The following DLG2 variants were observed in gnomAD, a reference collection of about 807,000 sequenced individuals.
The protein encoded by DLG2 is discs large MAGUK scaffold protein 2.
DLG2 carries 45 observed loss-of-function variants against 132.5 expected under a neutral mutation model. That is an observed-to-expected ratio of 0.34 (90% CI 0.27 to 0.44). The LOEUF is 0.44. Ranked by LOEUF, DLG2 falls within the 20% of genes least tolerant of loss-of-function variation. The pLI is 1.00. For missense variants in DLG2, 1,045 were observed against 1,196.9 expected (o/e 0.87, Z 1.87); for synonymous variants, 424 against 419.6 (o/e 1.01, Z -0.13).
chr11:84,076,748 C>T (rs879456181), intron 10 of DLG2, among the ~76,000 whole-genome samples: 2 of 152,194 alleles, frequency 1.3e-5, no homozygotes, highest in Middle Eastern at 3.2e-3. Flanking sequence ...AAATGTAACA[C>T]CACACTTCGC....
chr11:84,067,917 CT>C (rs1235093531), intron 10 of DLG2, among the ~76,000 whole-genome samples: 3 of 151,910 alleles, frequency 2.0e-5, no homozygotes, highest in Non-Finnish European at 2.9e-5. Flanking sequence ...ATCTATGAGG[CT>C]TTTTTTTCCA....
chr11:84,674,963 T>C (rs978386462), intron 6 of DLG2, among the ~76,000 whole-genome samples: 1 of 152,154 alleles, frequency 6.6e-6, no homozygotes. Context: ...CGACTTTGTA[T>C]TGTGGGAAAA....
chr11:84,012,660 A>T (rs1183359309), intron 11 of DLG2, among the ~76,000 whole-genome samples: 1 of 152,152 alleles, frequency 6.6e-6, no homozygotes, highest in Non-Finnish European at 1.5e-5. Flanking sequence ...AGAAAAGTAC[A>T]TTTAAGATTA....
chr11:84,118,190 A>G (rs1167217287), intron 9 of DLG2, among the ~76,000 whole-genome samples: 1 of 152,140 alleles, frequency 6.6e-6, no homozygotes, highest in Non-Finnish European at 1.5e-5. Context: ...TAATTAGTAT[A>G]TTTAAATCCA....
chr11:84,961,745 A>C (rs1765350882), intron 6 of DLG2, among the ~76,000 whole-genome samples: 2 of 152,202 alleles, frequency 1.3e-5, no homozygotes, highest in Admixed American at 1.3e-4. Flanking sequence ...CCACCCAAGC[A>C]ACTTTCACTT....
At chr11:84,797,899 T>C (rs889724081) in intron 6 of DLG2, among the ~76,000 whole-genome samples, 4 of 152,200 alleles carry the variant, frequency 2.6e-5, no homozygotes. Context: ...CCAATCTCAG[T>C]AATGCTGTGC....
intron 7 of DLG2, among the ~76,000 whole-genome samples, chr11:84,483,206 G>T (rs758524754): frequency 6.6e-6 from 1 of 152,038 alleles, no homozygotes; most frequent in Non-Finnish European, 1.5e-5. Flanking sequence ...GCCGAGGCGG[G>T]CTCATCACCT....
At chr11:85,617,276 G>A (rs2081401526) in intron 2 of DLG2, among the ~76,000 whole-genome samples, 1 of 152,096 alleles carries the variant, frequency 6.6e-6, no homozygotes, top group African/African-American at 2.4e-5. Flanking sequence ...TATAGTTCAA[G>A]GCCAAAAAAC....
Position 85,234,644 on chromosome 11 carries a change from A to G in DLG2, c.186+50576T>C, listed in dbSNP as rs902934260. ...TCTATCCATTAGAGTGGTTAAGTCCATAACTCTATGTACTAAGTGATGATC... is the reference window on the plus strand; with the variant it reads ...TCTATCCATTAGAGTGGTTAAGTCCGTAACTCTATGTACTAAGTGATGATC... On this transcript the variant is annotated intron_variant, in intron 4 of 27. Coordinates refer to ENST00000376104, the MANE Select transcript of DLG2 (RefSeq NM_001142699.3). Among the ~76,000 whole-genome samples, 6 of 152,016 alleles carry G rather than the reference A, an allele frequency of 3.9e-5. No homozygotes were observed. The South Asian group carries it at 1.0e-3, about 26-fold the overall frequency.
chr11:84,179,722 T>C (rs1419840358), intron 8 of DLG2, among the ~76,000 whole-genome samples: 1 of 152,158 alleles, frequency 6.6e-6, no homozygotes, highest in Non-Finnish European at 1.5e-5. Context: ...GAAATTATTT[T>C]ACCAGAGCCT....
intron 7 of DLG2, among the ~76,000 whole-genome samples, chr11:84,391,221 G>T (rs2098791599): frequency 1.3e-5 from 2 of 152,138 alleles, no homozygotes; most frequent in South Asian, 4.1e-4. Flanking sequence ...AAAAACAAGT[G>T]CTGATATGGG....
intron 16 of DLG2, among the ~76,000 whole-genome samples, chr11:83,850,123 A>AGTGTGTGTGTGTGT (rs544279195): frequency 0.012 from 487 of 39,090 alleles, 3 homozygotes; most frequent in African/African-American, 0.046. Flanking sequence ...ATTTGGGGTA[A>AGTGTGTGTGTGTGT]GTGTGTGTGT....
At chr11:85,141,244 T>G (rs1260872288) in intron 5 of DLG2, among the ~76,000 whole-genome samples, 16 of 152,038 alleles carry the variant, frequency 1.1e-4, no homozygotes, top group Admixed American at 9.8e-4. Context: ...TTTCCTGCCT[T>G]TTGGATAAAA....
intron 5 of DLG2, 105 bp downstream of exon 5, chr11:85,154,451 A>G (rs2077467982): frequency 1.7e-6 from 1 of 599,118 alleles, no homozygotes; most frequent in Non-Finnish European, 2.8e-6. Context: ...AAATTAGGTT[A>G]CACATTTTCT....
In DLG2 at chr11:85,387,765, G is replaced by C. The variant is rs543936171; in HGVS notation, c.41-102400C>G. ...CTGAGTCAATATATCTAAAATGATA[G>C]GTATAAAATCTTTATCTTTAAAAGT... is the stretch of plus-strand genomic sequence containing the variant. On this transcript the variant is annotated intron_variant, in intron 3 of 27. Transcript: ENST00000376104. Among the ~76,000 whole-genome samples, 79 of 152,228 alleles carry C rather than the reference G, an allele frequency of 5.2e-4. 1 individual carries two copies. Among genetic ancestry groups the C allele is most frequent in the Non-Finnish European group, 9.8e-4 (67 of 68,028 alleles).
chr11:83,901,352 T>G (rs2073371426), intron 15 of DLG2, among the ~76,000 whole-genome samples: 1 of 152,138 alleles, frequency 6.6e-6, no homozygotes. Flanking sequence ...CAGAATGATA[T>G]GGTTTGACTC....
chr11:83,889,843 A>G (rs1173443412), intron 15 of DLG2, among the ~76,000 whole-genome samples: 1 of 151,944 alleles, frequency 6.6e-6, no homozygotes, highest in Non-Finnish European at 1.5e-5. Context: ...CATCATTCTC[A>G]GTAAACTATC....
intron 11 of DLG2, among the ~76,000 whole-genome samples, chr11:84,051,043 T>G (rs556756668): frequency 6.6e-6 from 1 of 151,922 alleles, no homozygotes; most frequent in Non-Finnish European, 1.5e-5. Flanking sequence ...TCGCTGGCCA[T>G]CAGAGAAATG....
At chr11:84,132,824 G>A (rs1410850321) in intron 9 of DLG2, among the ~76,000 whole-genome samples, 1 of 151,946 alleles carries the variant, frequency 6.6e-6, no homozygotes, top group African/African-American at 2.4e-5. Context: ...AAGACCTGAA[G>A]GATCACTAAA....
Sources: gnomAD v4.1 joint callset for allele counts (sites outside exome capture counted in the v4.1 genomes callset) on GRCh38, gnomAD v4.1.1 for gene constraint, MANE v1.5 for transcripts, NCBI Gene and HGNC (gene_info 2026-07-23, HGNC 2026-07-21) for gene names.